TPCN2: variants seen among roughly 807,000 people sequenced by gnomAD.
The protein encoded by TPCN2 is two pore segment channel 2, also known as two pore channel protein 2.
Under a neutral mutation model 111.4 loss-of-function variants are expected in TPCN2, and 92 were observed. That is an observed-to-expected ratio of 0.83 (90% CI 0.70 to 0.98). TPCN2 has a LOEUF of 0.98. Among genes scored for constraint, TPCN2 ranks in the 50% least tolerant of loss-of-function variants. TPCN2 has a pLI of 0.00. For synonymous variants in TPCN2, 405 were observed against 414.5 expected (o/e 0.98, Z 0.28); for missense variants, 995 against 980.1 (o/e 1.02, Z -0.20).
chr11:69,066,148 C>T (rs1221809040), intron 7 of TPCN2, among the ~76,000 whole-genome samples: 3 of 152,020 alleles, frequency 2.0e-5, no homozygotes, highest in Non-Finnish European at 4.4e-5. Context: ...CATGGGCGCT[C>T]GGTGGGTTGC....
At chr11:69,050,576 C>T (rs574766192) in intron 1 of TPCN2, among the ~76,000 whole-genome samples, 4 of 152,338 alleles carry the variant, frequency 2.6e-5, no homozygotes, top group African/African-American at 9.6e-5. Context: ...TGGGGTTTCA[C>T]TGTGTTGGCC....
intron 5 of TPCN2, among the ~76,000 whole-genome samples, chr11:69,060,709 G>T (rs886414613): frequency 1.3e-5 from 2 of 152,188 alleles, no homozygotes; most frequent in African/African-American, 4.8e-5. Flanking sequence ...CTGTGCTGTG[G>T]TCTGTGTCTG....
intron 7 of TPCN2, among the ~76,000 whole-genome samples, chr11:69,065,348 G>C (rs911325628): frequency 6.6e-6 from 1 of 152,244 alleles, no homozygotes; most frequent in Non-Finnish European, 1.5e-5. Flanking sequence ...CGGCCTTGAG[G>C]CCAGGGTGTG....
chr11:69,078,246 A>G (rs1855873020), intron 13 of TPCN2, among the ~76,000 whole-genome samples: 1 of 151,768 alleles, frequency 6.6e-6, no homozygotes, highest in South Asian at 2.1e-4. Flanking sequence ...TTACAGCCTC[A>G]GTGGATGTTT....
chr11:69,081,295 C>T, intron 17 of TPCN2, 105 bp from the exon 18 acceptor site: 1 of 705,858 alleles, frequency 1.4e-6, no homozygotes, highest in Non-Finnish European at 2.4e-6. Flanking sequence ...CCGTCATGCC[C>T]TGTTGCCCTC....
At chr11:69,050,817 C>G (rs1459908535) in intron 1 of TPCN2, among the ~76,000 whole-genome samples, 3 of 152,224 alleles carry the variant, frequency 2.0e-5, no homozygotes, top group Non-Finnish European at 4.4e-5. Context: ...AGTGGCCGTC[C>G]TGGGTAAGCT....
At chr11:69,067,433 C>A in intron 7 of TPCN2, 70 bp from the exon 8 acceptor site, 1 of 1,432,748 alleles carries the variant, frequency 7.0e-7, no homozygotes, top group Non-Finnish European at 9.7e-7. Context: ...CCGGTTGGGT[C>A]CGGGGCCTGG....
At position 69,054,757 on chromosome 11, in the gene TPCN2, A is replaced by T; in HGVS notation, c.211A>T (p.Met71Leu). The change falls in exon 3 of 25, where the codon ATG becomes TTG. Residue 71 changes from methionine (M) to leucine (L), a missense_variant. Transcript: ENST00000294309. ...SINHRVDASS[M>L]WLYRRYYSNV... Reference sequence around the variant, plus strand: ...CAACCACCGGGTGGATGCCAGCTCGATGTGGCTTTACCGACGGTATTACTC... The same window carrying T: ...CAACCACCGGGTGGATGCCAGCTCGTTGTGGCTTTACCGACGGTATTACTC... The T allele has an allele frequency of 6.2e-7, 1 of 1,614,106 alleles. No individual in the cohort carries two copies.
chr11:69,086,990 C>G (rs1236482908), intron 23 of TPCN2, 122 bp from the exon 24 acceptor site: 1 of 778,708 alleles, frequency 1.3e-6, no homozygotes, highest in Non-Finnish European at 2.1e-6. Context: ...CCTGGGTGTC[C>G]AGGGTGAATG....
chr11:69,087,842 G>A, intron 24 of TPCN2, 33 bp from the exon 25 acceptor site: 1 of 1,576,392 alleles, frequency 6.3e-7, no homozygotes, highest in Non-Finnish European at 8.7e-7. Context: ...CTCCTTTAGA[G>A]GCCCCTGTGT....
rs1173009238 is a variant in TPCN2, at chr11:69,087,172, G to A, written c.2146G>A (p.Ala716Thr). 12 of 1,613,808 alleles carry A rather than the reference G, an allele frequency of 7.4e-6. No individual in the cohort carries two copies. The highest frequency in any genetic ancestry group is 8.5e-6 in the Non-Finnish European group (10 of 1,179,902). The change falls in exon 24 of 25, where the codon GCC becomes ACC. Residue 716 changes from alanine to threonine, a missense_variant. Ala to Thr is a moderately conservative substitution (Grantham distance 58, BLOSUM62 0). Coordinates refer to ENST00000294309, the MANE Select transcript of TPCN2 (RefSeq NM_139075.4). ...GCAGCCCCTTGCTGGGACCCCAGAG[G>A]CCACCTACCAGATGACTGTGGAGCT... ...HLQPLAGTPE[A>T]TYQMTVELLF...
At chr11:69,073,305 C>G (rs1178160852) in intron 13 of TPCN2, among the ~76,000 whole-genome samples, 1 of 152,256 alleles carries the variant, frequency 6.6e-6, no homozygotes, top group Non-Finnish European at 1.5e-5. Flanking sequence ...CTCAGGAGGT[C>G]CACACACTGG....
In TPCN2 at chr11:69,078,487, G is replaced by A. The variant is rs139311138; in HGVS notation, c.1236G>A (p.Pro412=). ...ELDRSVVKEH[P]PRPEYQSPFL... is the part of the protein sequence containing the mutation. ...CACGTGTGTTCCTTGCCCAGCACCC[G>A]CCGAGGCCCGAGTACCAGTCTCCGT... The change falls in exon 14 of 25, where the codon CCG becomes CCA. Residue 412 remains proline, a synonymous_variant. Transcript: ENST00000294309. 34 of 1,614,030 alleles carry A rather than the reference G, an allele frequency of 2.1e-5. No homozygotes were observed. The East Asian group carries it at 3.1e-4, about 15-fold the overall frequency.
chr11:69,070,725 G>T (rs1273617869), intron 9 of TPCN2, among the ~76,000 whole-genome samples: 3 of 120,602 alleles, frequency 2.5e-5, no homozygotes, highest in Non-Finnish European at 3.4e-5. Flanking sequence ...CCGCCAACAG[G>T]TTCACCCCAG....
At chr11:69,067,694 G>A in intron 8 of TPCN2, 89 bp downstream of exon 8, 1 of 1,215,062 alleles carries the variant, frequency 8.2e-7, no homozygotes, top group Non-Finnish European at 1.2e-6. Flanking sequence ...GAACCCAGTG[G>A]GAGTTTCTGA....
chr11:69,049,368 G>GC (rs1168604877), intron 1 of TPCN2, among the ~76,000 whole-genome samples: 1 of 152,228 alleles, frequency 6.6e-6, no homozygotes, highest in Non-Finnish European at 1.5e-5. Flanking sequence ...GGGCGAAGAG[G>GC]CCCTCGCCCA....
At position 69,087,945 on chromosome 11, in the gene TPCN2, TGCAGGTGACGTCCGGGCTGCCGTCCCA is replaced by T; in HGVS notation, c.2257_*24del. ...GAGCCAGCACCCGCACCTGTGGCTG[TGCAGGTGACGTCCGGGCTGCCGTCCCA>T]GCAGGGGCGGCAGGAGAGAGAGGCT... On this transcript the variant is annotated stop_lost and 3_prime_UTR_variant, in exon 25 of 25. Transcript: ENST00000294309. The T allele has an allele frequency of 1.2e-6, 2 of 1,609,040 alleles. No homozygotes were observed. Among genetic ancestry groups the T allele is most frequent in the Non-Finnish European group, 1.7e-6 (2 of 1,179,044 alleles).
chr11:69,084,766 C>A lies in TPCN2; in HGVS notation c.1762-444C>A. 3.0e-6 allele frequency: 3 copies of A among 985,448 alleles called. No homozygotes were observed. In the South Asian group the frequency reaches 1.4e-4, roughly 46 times the overall value. 61.0% of individuals were successfully genotyped at this position (985,448 alleles called of 1,614,324 possible). A position where few individuals can be genotyped will look rare whatever the true frequency, so the allele number is the denominator to read the frequency against. On this transcript the variant is annotated intron_variant, in intron 19 of 24. Transcript: ENST00000294309. The stretch of plus-strand genomic sequence containing the variant: ...TGTGCCTCGCGCCTCTGGAAATAGA[C>A]GCTGGGAAGAGAATCTTGCCTCAGG...
chr11:69,061,960 A>T (rs1462567299), intron 5 of TPCN2, among the ~76,000 whole-genome samples: 3 of 151,618 alleles, frequency 2.0e-5, no homozygotes, highest in Non-Finnish European at 2.9e-5. Context: ...TGTGTGTGTG[A>T]GTCTGTTTTG....
Sources: allele counts gnomAD v4.1 joint callset (sites outside exome capture counted in the v4.1 genomes callset), GRCh38; gene constraint gnomAD v4.1.1; transcripts MANE v1.5; gene names NCBI Gene and HGNC (gene_info 2026-07-23, HGNC 2026-07-21).